The following ALDH1B1 variants were observed in gnomAD, a reference collection of about 807,000 sequenced individuals.
ALDH1B1 encodes the protein aldehyde dehydrogenase 1 family member B1, also known as aldehyde dehydrogenase family 1 member B1, mitochondrial.
A neutral mutation model predicts 26.2 loss-of-function variants in ALDH1B1; 19 were observed. The ratio of observed to expected loss-of-function variants is 0.72; its 90% confidence interval spans 0.51 to 1.06. ALDH1B1 has a LOEUF of 1.06. Ranked by LOEUF, ALDH1B1 falls within the 50% of genes least tolerant of loss-of-function variation. ALDH1B1 has a pLI of 0.00. For missense variants in ALDH1B1, 671 were observed against 683.1 expected, an observed-to-expected ratio of 0.98 and a Z score of 0.20; for synonymous variants, 249 against 286.0, an observed-to-expected ratio of 0.87 and a Z score of 1.31.
Position 38,397,156 on chromosome 9 carries a change from G to T in ALDH1B1, c.1408G>T (p.Val470Leu). Residue 470 changes from valine to leucine, a missense_variant, in exon 2 of 2, where the codon GTA (valine) becomes TTA (leucine). Transcript: ENST00000377698. ...GGCACTCCAGGCCGGGACCGTGTGG[G>T]TAAACACCTACAACATCGTCACCTG... is the stretch of plus-strand genomic sequence containing the variant. ...TQALQAGTVW[V>L]NTYNIVTCHT... 1 of 1,614,206 alleles carries T rather than the reference G, an allele frequency of 6.2e-7. No homozygotes were observed. The highest frequency in any genetic ancestry group is 8.5e-7 in the Non-Finnish European group (1 of 1,180,038).
In ALDH1B1 at chr9:38,397,087, G is replaced by A. The variant is rs1821309536; in HGVS notation, c.1339G>A (p.Ala447Thr). 4.3e-6 allele frequency: 7 copies of A among 1,614,194 alleles called. No homozygotes were observed. Among genetic ancestry groups the A allele is most frequent in the Non-Finnish European group, 5.9e-6 (7 of 1,180,036 alleles). The change falls in exon 2 of 2, where the codon GCT becomes ACT. Residue 447 changes from alanine to threonine, a missense_variant. Transcript: ENST00000377698. ...CAACACCAGGTATGGCCTGGCTGCGGCTGTGTTCACCCGGGATCTGGACAA... is the reference window on the plus strand; with the variant it reads ...CAACACCAGGTATGGCCTGGCTGCGACTGTGTTCACCCGGGATCTGGACAA... ...ANNTRYGLAA[A>T]VFTRDLDKAM...
At position 38,394,527 on chromosome 9, in the gene ALDH1B1, A is replaced by G. The variant is rs576219498; in HGVS notation, c.-9-1213A>G. On this transcript the variant is annotated intron_variant, in intron 1 of 1. Coordinates refer to ENST00000377698, the MANE Select transcript of ALDH1B1 (RefSeq NM_000692.5). ...GGCTGGTCTCAAACTCCTGGCCTCA[A>G]GCAGTCCTTCCACTTCGGCCTACCA... 1.9e-4 allele frequency: 178 copies of G among 917,760 alleles called. 2 individuals carry two copies. In the Middle Eastern group the frequency reaches 2.8e-3, roughly 15 times the overall value. The allele number at this position is 917,760 out of a possible 1,614,324, so 56.9% of individuals were successfully genotyped here.
Position 38,396,620 on chromosome 9 carries a change from C to G in ALDH1B1, c.872C>G (p.Pro291Arg), listed in dbSNP as rs767042115. The change falls in exon 2 of 2, where the codon CCC becomes CGC. Residue 291 changes from proline to arginine, a missense_variant. Coordinates refer to ENST00000377698, the MANE Select transcript of ALDH1B1 (RefSeq NM_000692.5). Reference protein sequence around the residue: ...RVTLELGGKSPSIVLADADME... With the variant: ...RVTLELGGKSRSIVLADADME... ...ACCCTGGAGCTGGGTGGTAAGAGCC[C>G]CAGCATCGTGCTGGCCGATGCTGAC... 3.1e-6 allele frequency: 5 copies of G among 1,613,926 alleles called. No individual in the cohort carries two copies. The highest frequency in any genetic ancestry group is 4.2e-6 in the Non-Finnish European group (5 of 1,179,978).
chr9:38,396,814 AC>A lies in ALDH1B1; in HGVS notation c.1069del (p.Gln357SerfsTer15). 6.2e-7 allele frequency: 1 copy of A among 1,614,192 alleles called. No homozygotes were observed. Among genetic ancestry groups the A allele is most frequent in the South Asian group, 1.1e-5 (1 of 91,082 alleles). On this transcript the variant is annotated frameshift_variant, in exon 2 of 2. Transcript: ENST00000377698. LOFTEE classifies it high-confidence loss of function. ...RKVGNPFELDTQQGPQVDKEQ... is the reference protein window; with the variant it reads ...RKVGNPFELDXQQGPQVDKEQ... ...AGTGGGGAACCCCTTTGAGCTGGAC[AC>A]CCAGCAGGGGCCTCAGGTGGACAAG... is the stretch of plus-strand genomic sequence containing the variant.
chr9:38,398,473 C>T lies in ALDH1B1; in HGVS notation c.*1171C>T, dbSNP rs1821332142. On this transcript the variant is annotated 3_prime_UTR_variant, in exon 2 of 2. Transcript: ENST00000377698. Reference sequence around the variant, plus strand: ...GGGATTATAGGTACATGCCATCACACCTGGCTAATTTTTGTATTTTTAGTA... The same window carrying T: ...GGGATTATAGGTACATGCCATCACATCTGGCTAATTTTTGTATTTTTAGTA... 6.5e-6 allele frequency: 1 copy of T among 152,770 alleles called. No individual in the cohort carries two copies. Among genetic ancestry groups the T allele is most frequent in the Non-Finnish European group, 1.5e-5 (1 of 68,032 alleles). 9.5% of individuals were successfully genotyped at this position (152,770 alleles called of 1,614,324 possible). A position where few individuals can be genotyped will look rare whatever the true frequency, so the allele number is the denominator to read the frequency against.
In ALDH1B1 at chr9:38,396,784, A is replaced by G. The variant is rs1228507380; in HGVS notation, c.1036A>G (p.Arg346Gly). Residue 346 changes from arginine to glycine, a missense_variant, in exon 2 of 2, where the codon AGG becomes GGG. Coordinates refer to ENST00000377698, the MANE Select transcript of ALDH1B1 (RefSeq NM_000692.5). ...GAGAACCGTGGAGAAAGCAAAGCAG[A>G]GGAAAGTGGGGAACCCCTTTGAGCT... is the stretch of plus-strand genomic sequence containing the variant. ...LERTVEKAKQ[R>G]KVGNPFELDT... The G allele has an allele frequency of 6.2e-7, 1 of 1,614,246 alleles. No individual in the cohort carries two copies. Among genetic ancestry groups the G allele is most frequent in the East Asian group, 2.2e-5 (1 of 44,870 alleles).
rs745749940 is a variant in ALDH1B1, at chr9:38,395,913, G to A, written c.165G>A (p.Pro55=). 1.6e-5 allele frequency: 26 copies of A among 1,613,734 alleles called. No individual in the cohort carries two copies. The Admixed American group carries it at 2.0e-4, about 12-fold the overall frequency. ...ATGCAGTCAGCAAGAAGACCTTCCCGACGGTCAACCCTACCACCGGGGAGG... is the reference window on the plus strand; with the variant it reads ...ATGCAGTCAGCAAGAAGACCTTCCCAACGGTCAACCCTACCACCGGGGAGG... ...WQDAVSKKTF[P]TVNPTTGEVI... The change falls in exon 2 of 2, where the codon CCG becomes CCA. Residue 55 remains proline, a synonymous_variant. Transcript: ENST00000377698.
rs533684701 is a variant in ALDH1B1, at chr9:38,396,607, G to A, written c.859G>A (p.Gly287Ser). Residue 287 changes from glycine (G) to serine (S), a missense_variant, in exon 2 of 2, where the codon GGT becomes AGT. Gly to Ser is a moderately conservative substitution (Grantham distance 56). Coordinates refer to ENST00000377698, the MANE Select transcript of ALDH1B1 (RefSeq NM_000692.5). ...CCTCAAGAGAGTCACCCTGGAGCTG[G>A]GTGGTAAGAGCCCCAGCATCGTGCT... The part of the protein sequence containing the change: ...SNLKRVTLEL[G>S]GKSPSIVLAD... The A allele has an allele frequency of 6.0e-5, 97 of 1,614,076 alleles. No homozygotes were observed. The South Asian group carries it at 9.8e-4, about 16-fold the overall frequency.
chr9:38,395,958 A>G lies in ALDH1B1; in HGVS notation c.210A>G (p.Glu70=). The G allele has an allele frequency of 1.9e-6, 3 of 1,613,756 alleles. No individual in the cohort carries two copies. Among genetic ancestry groups the G allele is most frequent in the Non-Finnish European group, 2.5e-6 (3 of 1,180,008 alleles). Residue 70 remains glutamate (E), a synonymous_variant, in exon 2 of 2, where the codon GAA becomes GAG. Transcript: ENST00000377698. ...GGGAGGTCATTGGGCACGTGGCTGA[A>G]GGTGACCGGGCTGATGTGGATCGGG... is the stretch of plus-strand genomic sequence containing the variant. The part of the protein sequence containing the change: ...TTGEVIGHVA[E]GDRADVDRAV...
At chr9:38,395,078 A>C (rs1821252432) in intron 1 of ALDH1B1, among the ~76,000 whole-genome samples, 1 of 152,312 alleles carries the variant, frequency 6.6e-6, no homozygotes, top group East Asian at 1.9e-4. Flanking sequence ...CATTCAACAT[A>C]ACCCCATGAG....
At position 38,396,598 on chromosome 9, in the gene ALDH1B1, C is replaced by A. The variant is rs908427494; in HGVS notation, c.850C>A (p.Leu284Met). Reference protein sequence around the residue: ...AGDSNLKRVTLELGGKSPSIV... With the variant: ...AGDSNLKRVTMELGGKSPSIV... The stretch of plus-strand genomic sequence containing the variant: ...CGATTCCAACCTCAAGAGAGTCACC[C>A]TGGAGCTGGGTGGTAAGAGCCCCAG... The change falls in exon 2 of 2, where the codon CTG becomes ATG. Residue 284 changes from leucine (L) to methionine (M), a missense_variant. Coordinates refer to ENST00000377698, the MANE Select transcript of ALDH1B1 (RefSeq NM_000692.5). 2.0e-5 allele frequency: 33 copies of A among 1,613,916 alleles called. No individual in the cohort carries two copies. The highest frequency in any genetic ancestry group is 2.8e-5 in the Non-Finnish European group (33 of 1,180,006).
chr9:38,397,393 C>T lies in ALDH1B1; in HGVS notation c.*91C>T, dbSNP rs1821316957. 3.5e-6 allele frequency: 5 copies of T among 1,434,450 alleles called. No homozygotes were observed. Among genetic ancestry groups the T allele is most frequent in the Admixed American group, 5.5e-5 (2 of 36,472 alleles). 88.9% of individuals were successfully genotyped at this position (1,434,450 alleles called of 1,614,324 possible). A position where few individuals can be genotyped will look rare whatever the true frequency, so the allele number is the denominator to read the frequency against. On this transcript the variant is annotated 3_prime_UTR_variant, in exon 2 of 2. Coordinates refer to ENST00000377698, the MANE Select transcript of ALDH1B1 (RefSeq NM_000692.5). The stretch of plus-strand genomic sequence containing the variant: ...CAAGCTGTTTTAAAGCCAAGAACAC[C>T]CTTTCTTTGTTCCAAATTAACTCTT...
chr9:38,393,454 A>G (rs77054814), intron 1 of ALDH1B1, among the ~76,000 whole-genome samples: 7,543 of 152,274 alleles, frequency 0.05, 282 homozygotes, highest in Non-Finnish European at 0.071. Flanking sequence ...TGATCTTCCT[A>G]TCAGCAAGTG....
chr9:38,396,514 G>A lies in ALDH1B1; in HGVS notation c.766G>A (p.Asp256Asn), dbSNP rs750868385. 18 of 1,613,806 alleles carry A rather than the reference G, an allele frequency of 1.1e-5. No individual in the cohort carries two copies. In the South Asian group the frequency reaches 2.0e-4, roughly 18 times the overall value. Reference sequence around the variant, plus strand: ...GGCCATCGCCCAGCACGTGGATGTTGACAAAGTTGCCTTCACCGGTTCCAC... The same window carrying A: ...GGCCATCGCCCAGCACGTGGATGTTAACAAAGTTGCCTTCACCGGTTCCAC... Reference protein sequence around the residue: ...GAAIAQHVDVDKVAFTGSTEV... With the variant: ...GAAIAQHVDVNKVAFTGSTEV... The change falls in exon 2 of 2, where the codon GAC becomes AAC. Residue 256 changes from aspartate to asparagine, a missense_variant. Asp to Asn is a conservative substitution (Grantham distance 23). Coordinates refer to ENST00000377698, the MANE Select transcript of ALDH1B1 (RefSeq NM_000692.5).
chr9:38,394,578 G>A (rs147049557), intron 1 of ALDH1B1: 7 of 985,368 alleles, frequency 7.1e-6, no homozygotes, highest in East Asian at 2.3e-4. Flanking sequence ...AAGCCACCAC[G>A]CCCATCACAT....
chr9:38,396,017 G>T lies in ALDH1B1; in HGVS notation c.269G>T (p.Gly90Val). ...VKAAREAFRLGSPWRRMDASE... is the reference protein window; with the variant it reads ...VKAAREAFRLVSPWRRMDASE... The stretch of plus-strand genomic sequence containing the variant: ...GCAGCCCGGGAAGCCTTCCGCCTGG[G>T]GTCCCCATGGCGCCGGATGGATGCC... The change falls in exon 2 of 2, where the codon GGG becomes GTG. Residue 90 changes from glycine to valine, a missense_variant. Gly to Val is a moderately radical substitution (Grantham distance 109). Coordinates refer to ENST00000377698, the MANE Select transcript of ALDH1B1 (RefSeq NM_000692.5). 1 of 1,613,766 alleles carries T rather than the reference G, an allele frequency of 6.2e-7. No individual in the cohort carries two copies. Among genetic ancestry groups the T allele is most frequent in the Non-Finnish European group, 8.5e-7 (1 of 1,180,012 alleles).
chr9:38,397,266 GACGGTC>G lies in ALDH1B1; in HGVS notation c.1521_1526del (p.Val508_Thr509del). 6.2e-7 allele frequency: 1 copy of G among 1,613,918 alleles called. No individual in the cohort carries two copies. The highest frequency in any genetic ancestry group is 1.3e-5 in the African/African-American group (1 of 75,070). On this transcript the variant is annotated inframe_deletion, in exon 2 of 2. Transcript: ENST00000377698. The stretch of plus-strand genomic sequence containing the variant: ...GGCTTAAGGCCTACACAGAGGTAAA[GACGGTC>G]ACCATCAAGGTTCCTCAGAAGAACT...
rs753782421 is a variant in ALDH1B1, at chr9:38,397,188, G to A, written c.1440G>A (p.Thr480=). The part of the protein sequence containing the change: ...VNTYNIVTCH[T]PFGGFKESGN... ...CCTACAACATCGTCACCTGCCACAC[G>A]CCATTTGGAGGGTTTAAGGAATCTG... Residue 480 remains threonine, a synonymous_variant, in exon 2 of 2, where the codon ACG becomes ACA. Transcript: ENST00000377698. 2.7e-5 allele frequency: 43 copies of A among 1,614,040 alleles called. No individual in the cohort carries two copies. Among genetic ancestry groups the A allele is most frequent in the Non-Finnish European group, 2.9e-5 (34 of 1,180,034 alleles).
rs759779641 is a variant in ALDH1B1 at position 38,395,949 on chromosome 9, C to T, written c.201C>T (p.His67=). ...VNPTTGEVIG[H]VAEGDRADVD... ...CTACCACCGGGGAGGTCATTGGGCA[C>T]GTGGCTGAAGGTGACCGGGCTGATG... is the stretch of plus-strand genomic sequence containing the variant. Residue 67 remains histidine, a synonymous_variant, in exon 2 of 2, where the codon CAC becomes CAT. Coordinates refer to ENST00000377698, the MANE Select transcript of ALDH1B1 (RefSeq NM_000692.5). The T allele has an allele frequency of 2.3e-5, 37 of 1,613,652 alleles. No individual in the cohort carries two copies. Among genetic ancestry groups the T allele is most frequent in the African/African-American group, 1.5e-4 (11 of 74,946 alleles).
Sources: allele counts gnomAD v4.1 joint callset (sites outside exome capture counted in the v4.1 genomes callset), GRCh38; gene constraint gnomAD v4.1.1; transcripts MANE v1.5; gene names NCBI Gene and HGNC (gene_info 2026-07-23, HGNC 2026-07-21).